PCDHGA5: variants seen among roughly 807,000 people sequenced by gnomAD.
PCDHGA5 encodes the protein protocadherin gamma-A5.
In PCDHGA5, 36 loss-of-function variants were observed where a neutral mutation model predicts 56.7. The observed-to-expected ratio is 0.64, with a 90% CI of 0.49 to 0.84. The LOEUF is 0.84. Among genes scored for constraint, PCDHGA5 ranks in the 40% least tolerant of loss-of-function variants. The pLI is 0.00. For missense variants in PCDHGA5, 1,305 were observed against 1,201.5 expected, an observed-to-expected ratio of 1.09 and a Z score of -1.27; for synonymous variants, 563 against 520.2, an observed-to-expected ratio of 1.08 and a Z score of -1.12.
chr5:141,384,982 G>C, intron 1 of PCDHGA5: 1 of 1,614,144 alleles, frequency 6.2e-7, no homozygotes, highest in Non-Finnish European at 8.5e-7. Flanking sequence ...GTACCTGGTG[G>C]TGGCGGTGGC....
chr5:141,372,143 G>T, intron 1 of PCDHGA5: 2 of 1,613,784 alleles, frequency 1.2e-6, no homozygotes, highest in Admixed American at 1.7e-5. Context: ...GCTCTGCAGA[G>T]CCTGGCTACC....
chr5:141,433,076 C>G, intron 1 of PCDHGA5: 1 of 1,614,188 alleles, frequency 6.2e-7, no homozygotes, highest in Non-Finnish European at 8.5e-7. Context: ...CTTCCCCCAG[C>G]CCAACTATGC....
chr5:141,402,153 T>A (rs2094231712), intron 1 of PCDHGA5, among the ~76,000 whole-genome samples: 1 of 152,166 alleles, frequency 6.6e-6, no homozygotes, highest in Non-Finnish European at 1.5e-5. Flanking sequence ...TTAGCAATAT[T>A]AGGCGAGAAC....
chr5:141,399,143 A>G (rs750976328), intron 1 of PCDHGA5: 12 of 1,613,780 alleles, frequency 7.4e-6, no homozygotes, highest in Admixed American at 3.3e-5. Context: ...GAAAATGACA[A>G]TAGCCCAGAA....
At chr5:141,445,109 T>C (rs571834974) in intron 1 of PCDHGA5, among the ~76,000 whole-genome samples, 23 of 152,246 alleles carry the variant, frequency 1.5e-4, no homozygotes, top group Non-Finnish European at 2.8e-4. Flanking sequence ...TCTAATGTTA[T>C]TGTAAATAGT....
intron 1 of PCDHGA5, chr5:141,492,055 G>C (rs1335131646): frequency 4.1e-6 from 2 of 493,506 alleles, no homozygotes; most frequent in Non-Finnish European, 7.1e-6. Flanking sequence ...CACCCCTGCA[G>C]CCAGCCTCCT....
At position 141,409,389 on chromosome 5, in the gene PCDHGA5, C is replaced by G; in HGVS notation, c.2421+42638C>G. On this transcript the variant is annotated intron_variant, in intron 1 of 3. Transcript: ENST00000518069. ...ACAGACATTCCATTCAAGATTTATT[C>G]TTCTTCCAATAACTACTACAAACTG... 6.2e-7 allele frequency: 1 copy of G among 1,614,006 alleles called. No homozygotes were observed. Among genetic ancestry groups the G allele is most frequent in the Admixed American group, 1.7e-5 (1 of 60,020 alleles).
At chr5:141,399,663 G>T (rs766997364) in intron 1 of PCDHGA5, 4 of 1,613,506 alleles carry the variant, frequency 2.5e-6, no homozygotes, top group Admixed American at 3.3e-5. Context: ...TGGTGTTCGC[G>T]CAGCGCGCCT....
chr5:141,486,401 G>T lies in PCDHGA5; in HGVS notation c.2422-8406G>T. 6.2e-7 allele frequency: 1 copy of T among 1,614,174 alleles called. No individual in the cohort carries two copies. On this transcript the variant is annotated intron_variant, in intron 1 of 3. Transcript: ENST00000518069. The surrounding 1 kb of genome is among the most constrained non-coding windows in gnomAD (Gnocchi z 5.0). ...CAGGAACCAGTTCTCCCTGGTGACT[G>T]CTGGACCCTTGGATCGAGAGGCCAA...
At chr5:141,380,843 G>T (rs1262602096) in intron 1 of PCDHGA5, among the ~76,000 whole-genome samples, 2 of 152,142 alleles carry the variant, frequency 1.3e-5, no homozygotes, top group African/African-American at 4.8e-5. Flanking sequence ...AGGTAAAAAT[G>T]GATCAAGACA....
In PCDHGA5 at chr5:141,477,967, C is replaced by A; in HGVS notation, c.2422-16840C>A. The A allele has an allele frequency of 6.2e-7, 1 of 1,614,150 alleles. No individual in the cohort carries two copies. Among genetic ancestry groups the A allele is most frequent in the Non-Finnish European group, 8.5e-7 (1 of 1,180,032 alleles). On this transcript the variant is annotated intron_variant, in intron 1 of 3. Transcript: ENST00000518069. The surrounding 1 kb of genome is among the most constrained non-coding windows in gnomAD (Gnocchi z 4.9). ...GTCTCTTGGGATCCCCTAACCAGAG[C>A]CTTTTTGCCATAGGGCTGCACACTG...
intron 1 of PCDHGA5, chr5:141,388,052 C>T (rs777475213): frequency 7.2e-7 from 1 of 1,394,236 alleles, no homozygotes; most frequent in Non-Finnish European, 9.8e-7. Flanking sequence ...ACCTGGGGTT[C>T]AGCGTCCAGG....
At chr5:141,428,197 G>C in intron 1 of PCDHGA5, 3 of 1,385,972 alleles carry the variant, frequency 2.2e-6, no homozygotes, top group Non-Finnish European at 3.0e-6. Flanking sequence ...CGCTCTCTGC[G>C]CCGCTACGCT....
intron 1 of PCDHGA5, chr5:141,421,420 G>A: frequency 6.2e-7 from 1 of 1,614,084 alleles, no homozygotes; most frequent in Admixed American, 1.7e-5. Context: ...GAAGCGCGGA[G>A]TCCGCATCGT....
At chr5:141,447,371 C>G (rs1180989888) in intron 1 of PCDHGA5, among the ~76,000 whole-genome samples, 1 of 151,826 alleles carries the variant, frequency 6.6e-6, no homozygotes, top group African/African-American at 2.4e-5. Context: ...ACTCCTGACC[C>G]TGGTGATCTG....
chr5:141,420,199 C>T (rs764130526), intron 1 of PCDHGA5: 12 of 1,613,362 alleles, frequency 7.4e-6, no homozygotes, highest in Non-Finnish European at 1.0e-5. Context: ...CACAAGATAA[C>T]CTCAACAAAG....
At position 141,364,165 on chromosome 5, in the gene PCDHGA5, C is replaced by T. The variant is rs556224229; in HGVS notation, c.-166C>T. 5.7e-6 allele frequency: 4 copies of T among 699,984 alleles called. No homozygotes were observed. Among genetic ancestry groups the T allele is most frequent in the Admixed American group, 7.5e-5 (2 of 26,552 alleles). The allele number at this position is 699,984 out of a possible 1,614,324, so 43.4% of individuals were successfully genotyped here. ...GGAAAGAAGCTGCCGCAGAGGCGAC[C>T]CGACTCTGCTCCCTCCATACTAAAC... On this transcript the variant is annotated 5_prime_UTR_variant, in exon 1 of 4. Coordinates refer to ENST00000518069, the MANE Select transcript of PCDHGA5 (RefSeq NM_018918.3).
chr5:141,417,995 G>A (rs779307855), intron 1 of PCDHGA5: 74 of 1,613,786 alleles, frequency 4.6e-5, no homozygotes, highest in Admixed American at 1.7e-4. Flanking sequence ...CAAGGGCTCG[G>A]TGGTGGGGAA....
chr5:141,406,528 TGAC>T (rs1369720853), intron 1 of PCDHGA5, among the ~76,000 whole-genome samples: 4 of 152,246 alleles, frequency 2.6e-5, no homozygotes, highest in Non-Finnish European at 5.9e-5. Context: ...AGATATTTTC[TGAC>T]GAAGATTCAA....
Sources: allele counts gnomAD v4.1 joint callset (sites outside exome capture counted in the v4.1 genomes callset), GRCh38; gene constraint gnomAD v4.1.1; non-coding constraint Gnocchi (gnomAD v3.1); transcripts MANE v1.5; gene names NCBI Gene and HGNC (gene_info 2026-07-23, HGNC 2026-07-21).